Variants in GNS observed in about 807,000 individuals in gnomAD.
GNS encodes glucosamine (N-acetyl)-6-sulfatase.
A neutral mutation model predicts 69.7 loss-of-function variants in GNS; 40 were observed. That is an observed-to-expected ratio of 0.57 (90% CI 0.45 to 0.75). The LOEUF is 0.75. Among genes scored for constraint, GNS ranks in the 30% least tolerant of loss-of-function variants. The pLI, the probability that GNS is intolerant of heterozygous loss-of-function variation, is 0.00. For missense variants in GNS, 565 were observed against 685.5 expected (o/e 0.82, Z 1.96); for synonymous variants, 243 against 251.6 (o/e 0.97, Z 0.32).
chr12:64,725,553 A>T (rs1472665168), intron 10 of GNS, among the ~76,000 whole-genome samples: 2 of 152,224 alleles, frequency 1.3e-5, no homozygotes, highest in Non-Finnish European at 2.9e-5. Context: ...GTTCTAATAC[A>T]TCAGTATTTC....
rs766168524 is a variant in GNS, at chr12:64,729,052, C to A, written c.1104G>T (p.Leu368=). Residue 368 remains leucine (L), a synonymous_variant, in exon 10 of 14, where the codon CTG becomes CTT. Transcript: ENST00000258145. ...GIKPNQTSKM[L]VANIDLGPTI... ...TAGGACCCAAGTCAATGTTGGCAAC[C>A]AGCATCTATGAGAATGAGGGAAAAA... 11 of 1,546,030 alleles carry A rather than the reference C, an allele frequency of 7.1e-6. No individual in the cohort carries two copies. The East Asian group carries it at 2.5e-4, about 35-fold the overall frequency.
chr12:64,739,712 G>A (rs1869672053), intron 7 of GNS, among the ~76,000 whole-genome samples: 1 of 150,864 alleles, frequency 6.6e-6, no homozygotes, highest in Admixed American at 6.6e-5. Flanking sequence ...CCTTCCCATT[G>A]TAAAAAACAG....
At chr12:64,751,369 C>T (rs1286728083) in intron 2 of GNS, among the ~76,000 whole-genome samples, 2 of 152,002 alleles carry the variant, frequency 1.3e-5, no homozygotes, top group African/African-American at 4.8e-5. Flanking sequence ...ATAGAAAATC[C>T]AAACAAGCAG....
chr12:64,726,970 C>A (rs577052291), intron 10 of GNS, among the ~76,000 whole-genome samples: 1 of 151,570 alleles, frequency 6.6e-6, no homozygotes, highest in African/African-American at 2.4e-5. Flanking sequence ...ATGAACACAT[C>A]TCCAAAGAAG....
Position 64,756,802 on chromosome 12 carries a change from GT to G in GNS, c.192+2282del, listed in dbSNP as rs1870264848. On this transcript the variant is annotated intron_variant, in intron 1 of 13. Transcript: ENST00000258145. ...AGAATTCTTGAGTTTGGAACATTAA[GT>G]TTGACTTATGCCCTCCACTCAATTT... The G allele has an allele frequency of 3.7e-6, 4 of 1,084,916 alleles. No individual in the cohort carries two copies. The South Asian group carries it at 5.4e-5, about 15-fold the overall frequency. 67.2% of individuals were successfully genotyped at this position (1,084,916 alleles called of 1,614,324 possible).
Position 64,756,496 on chromosome 12 carries a change from G to A in GNS, c.192+2589C>T, listed in dbSNP as rs542078577. 1.6e-4 allele frequency among the ~76,000 whole-genome samples: 25 copies of A among 152,312 alleles called. No individual in the cohort carries two copies. The South Asian group carries it at 4.6e-3, about 28-fold the overall frequency. ...ACAGTATTCTAGAATAGGAGAAAAA[G>A]CATGGTGATCTGAGGTCATAAGATA... On this transcript the variant is annotated intron_variant, in intron 1 of 13. Coordinates refer to ENST00000258145, the MANE Select transcript of GNS (RefSeq NM_002076.4).
At chr12:64,728,053 A>G (rs1869264003) in intron 10 of GNS, among the ~76,000 whole-genome samples, 1 of 152,110 alleles carries the variant, frequency 6.6e-6, no homozygotes, top group Non-Finnish European at 1.5e-5. Flanking sequence ...CCTCCCGAGT[A>G]GCTGGGATTA....
At chr12:64,720,761 C>T (rs1306543523) in intron 12 of GNS, among the ~76,000 whole-genome samples, 2 of 152,166 alleles carry the variant, frequency 1.3e-5, no homozygotes, top group African/African-American at 4.8e-5. Flanking sequence ...CAGTACTTTT[C>T]CCTCTATAAT....
At chr12:64,749,216 G>A (rs1279852640) in intron 2 of GNS, among the ~76,000 whole-genome samples, 3 of 147,992 alleles carry the variant, frequency 2.0e-5, no homozygotes, top group South Asian at 4.3e-4. Flanking sequence ...TGGGATTACA[G>A]GCGTGAGCCA....
At position 64,746,846 on chromosome 12, in the gene GNS, C is replaced by T. The variant is rs1348359243; in HGVS notation, c.459+866G>A. On this transcript the variant is annotated intron_variant, in intron 3 of 13. Coordinates refer to ENST00000258145, the MANE Select transcript of GNS (RefSeq NM_002076.4). ...CATGATCCTTTTCAAACTGACTCAT[C>T]TTCCTGTAAACTCACAAGGTTGCAG... is the stretch of plus-strand genomic sequence containing the variant. Among the ~76,000 whole-genome samples the T allele has an allele frequency of 2.6e-5, 4 of 152,186 alleles. No homozygotes were observed. In the East Asian group the frequency reaches 7.7e-4, roughly 29 times the overall value.
intron 1 of GNS, chr12:64,756,825 A>G: frequency 3.7e-6 from 3 of 817,070 alleles, no homozygotes; most frequent in South Asian, 1.5e-5. Context: ...CCTCCACTCA[A>G]TTTTGGTACC....
chr12:64,727,276 A>AG (rs1869234111), intron 10 of GNS, among the ~76,000 whole-genome samples: 1 of 151,128 alleles, frequency 6.6e-6, no homozygotes, highest in South Asian at 2.1e-4. Context: ...CTATTAAAAA[A>AG]AAAAAAAAAA....
intron 1 of GNS, among the ~76,000 whole-genome samples, chr12:64,756,315 C>G (rs1313846095): frequency 2.6e-5 from 4 of 152,112 alleles, no homozygotes; most frequent in Non-Finnish European, 5.9e-5. Context: ...GGTTAGAGCT[C>G]TTTCCACAAA....
At chr12:64,736,324 C>T (rs1869554465) in intron 9 of GNS, among the ~76,000 whole-genome samples, 1 of 152,132 alleles carries the variant, frequency 6.6e-6, no homozygotes, top group Non-Finnish European at 1.5e-5. Flanking sequence ...GGAGAGAGAA[C>T]CAGGAAAGCA....
intron 6 of GNS, among the ~76,000 whole-genome samples, chr12:64,742,916 T>C (rs1334948884): frequency 6.6e-6 from 1 of 152,196 alleles, no homozygotes; most frequent in Non-Finnish European, 1.5e-5. Flanking sequence ...ATGGCATTCT[T>C]TACCATTCCC....
At chr12:64,741,067 C>T (rs559554324) in intron 6 of GNS, among the ~76,000 whole-genome samples, 3 of 17,208 alleles carry the variant, frequency 1.7e-4, no homozygotes, top group Non-Finnish European at 2.7e-4. Context: ...GCAAATAGGG[C>T]GTAGTGGCGG....
At position 64,713,680 on chromosome 12, in the gene GNS, CT is replaced by C. The variant is rs1380042353; in HGVS notation, c.*3060del. The C allele has an allele frequency of 1.3e-5, 2 of 152,364 alleles. No homozygotes were observed. Among genetic ancestry groups the C allele is most frequent in the East Asian group, 3.8e-4 (2 of 5,196 alleles). 9.4% of individuals were successfully genotyped at this position (152,364 alleles called of 1,614,324 possible). On this transcript the variant is annotated 3_prime_UTR_variant, in exon 14 of 14. Transcript: ENST00000258145. ...GGTGGATCAGTTGAATTAACTTTTG[CT>C]TTCTTTAGGATGAATCCTGGGACAA...
chr12:64,747,778 A>G lies in GNS; in HGVS notation c.393T>C (p.Thr131=), dbSNP rs1869940104. The G allele has an allele frequency of 3.1e-6, 5 of 1,613,086 alleles. No individual in the cohort carries two copies. In the East Asian group the frequency reaches 6.7e-5, roughly 22 times the overall value. The part of the protein sequence containing the change: ...KSWQKIQEPN[T]FPAILRSMCG... ...ACATTGATCTGAGAATTGCTGGGAA[A>G]GTATTTGGTTCTTGGATCTTCTGCC... is the stretch of plus-strand genomic sequence containing the variant. Residue 131 remains threonine (T), a synonymous_variant, in exon 3 of 14, where the codon ACT becomes ACC. Transcript: ENST00000258145.
chr12:64,745,180 A>G (rs904166484), intron 4 of GNS, among the ~76,000 whole-genome samples: 1 of 151,012 alleles, frequency 6.6e-6, no homozygotes, highest in African/African-American at 2.4e-5. Context: ...CATCCCAGAA[A>G]GGAGTGACTC....
Sources: allele counts gnomAD v4.1 joint callset (sites outside exome capture counted in the v4.1 genomes callset), GRCh38; gene constraint gnomAD v4.1.1; transcripts MANE v1.5; gene names NCBI Gene and HGNC (gene_info 2026-07-23, HGNC 2026-07-21).